TRIM77: variants seen among roughly 807,000 people sequenced by gnomAD.
TRIM77 encodes tripartite motif containing 77.
In TRIM77, 23 loss-of-function variants were observed where a neutral mutation model predicts 31.8. That is an observed-to-expected ratio of 0.72 (90% CI 0.52 to 1.02). TRIM77 has a LOEUF of 1.02. Among genes scored for constraint, TRIM77 ranks in the 50% least tolerant of loss-of-function variants. The probability of loss-of-function intolerance (pLI) is 0.00; values close to 1 mark genes in which losing one functional copy is unlikely to be tolerated. For synonymous variants in TRIM77, 159 were observed against 183.1 expected (o/e 0.87, Z 1.06); for missense variants, 446 against 539.2 (o/e 0.83, Z 1.71).
At chr11:89,715,286 T>C in intron 4 of TRIM77, 106 bp downstream of exon 4, 1 of 1,039,480 alleles carries the variant, frequency 9.6e-7, no homozygotes, top group South Asian at 1.5e-5. Flanking sequence ...CTGTATTTAT[T>C]CCTTTCTTAT....
In TRIM77 at chr11:89,716,951, T is replaced by C. The variant is rs555778002; in HGVS notation, c.860-428T>C. ...ATAAGCTGGCAAATTTTTAGTAGTC[T>C]AGTAAAAATTAAATCAGAGCTTGAC... On this transcript the variant is annotated intron_variant, in intron 5 of 5. Transcript: ENST00000398290. 2.0e-3 allele frequency among the ~76,000 whole-genome samples: 298 copies of C among 152,020 alleles called. 1 individual carries two copies. Among genetic ancestry groups the C allele is most frequent in the Admixed American group, 0.016 (239 of 15,234 alleles).
At chr11:89,714,481 T>C in intron 3 of TRIM77, 59 bp downstream of exon 3, 1 of 1,118,378 alleles carries the variant, frequency 8.9e-7, no homozygotes, top group Non-Finnish European at 1.3e-6. Context: ...TCGTATCTGC[T>C]AGAGTCTATA....
Position 89,715,167 on chromosome 11 carries a change from G to A in TRIM77, c.748G>A (p.Asp250Asn), listed in dbSNP as rs771739047. 103 of 1,551,526 alleles carry A rather than the reference G, an allele frequency of 6.6e-5. No homozygotes were observed. The highest frequency in any genetic ancestry group is 8.1e-5 in the Non-Finnish European group (93 of 1,146,810). Reference sequence around the variant, plus strand: ...CTCTCTCTCTTTATAGGATTTGGGAGACGTAATGAAAAGGTAAGTTTGCCC... The same window carrying A: ...CTCTCTCTCTTTATAGGATTTGGGAAACGTAATGAAAAGGTAAGTTTGCCC... Reference protein sequence around the residue: ...ADVNLPQDLGDVMKRNEFLRL... With the variant: ...ADVNLPQDLGNVMKRNEFLRL... Residue 250 changes from aspartate to asparagine, a missense_variant, in exon 4 of 6, where the codon GAC becomes AAC. By Grantham distance (23) the Asp-to-Asn change is conservative. This residue lies in a region of TRIM77 where 366 missense variants were observed against 447.9 expected (regional missense o/e 0.82). Transcript: ENST00000398290.
At chr11:89,714,059 C>A in intron 2 of TRIM77, 133 bp from the exon 3 acceptor site, 1 of 605,988 alleles carries the variant, frequency 1.7e-6, no homozygotes. Context: ...AAGATTTATA[C>A]TGTATTTGAA....
chr11:89,714,864 T>A (rs1949149267), intron 3 of TRIM77, among the ~76,000 whole-genome samples: 1 of 152,216 alleles, frequency 6.6e-6, no homozygotes, highest in Non-Finnish European at 1.5e-5. Flanking sequence ...CCTCTGTCAA[T>A]CTTGTTGCAG....
At chr11:89,711,208 T>C (rs1949119570) in intron 1 of TRIM77, among the ~76,000 whole-genome samples, 1 of 152,218 alleles carries the variant, frequency 6.6e-6, no homozygotes, top group Admixed American at 6.5e-5. Flanking sequence ...TCTAAGATAA[T>C]GGGTCTTGTT....
chr11:89,717,133 C>G (rs931958252), intron 5 of TRIM77, among the ~76,000 whole-genome samples: 2 of 152,060 alleles, frequency 1.3e-5, no homozygotes, highest in Non-Finnish European at 2.9e-5. Flanking sequence ...GTATGCCGGA[C>G]CCAGTTAGTA....
intron 5 of TRIM77, among the ~76,000 whole-genome samples, chr11:89,716,897 C>T (rs1949165004): frequency 6.6e-6 from 1 of 151,854 alleles, no homozygotes; most frequent in Non-Finnish European, 1.5e-5. Flanking sequence ...AATAAAGGCC[C>T]ATTTTGATGT....
At position 89,714,933 on chromosome 11, in the gene TRIM77, C is replaced by T. The variant is rs373961281; in HGVS notation, c.739-225C>T. Among the ~76,000 whole-genome samples, 27 of 152,296 alleles carry T rather than the reference C, an allele frequency of 1.8e-4. 1 individual carries two copies. The East Asian group carries it at 3.3e-3, about 19-fold the overall frequency. On this transcript the variant is annotated intron_variant, in intron 3 of 5. Coordinates refer to ENST00000398290, the MANE Select transcript of TRIM77 (RefSeq NM_001146162.1). ...TCCCATTTGTTCAACCTCAGTCCATCTGACTATGTTTCATCAAGAGTATAA... is the reference window on the plus strand; with the variant it reads ...TCCCATTTGTTCAACCTCAGTCCATTTGACTATGTTTCATCAAGAGTATAA...
At chr11:89,712,861 T>A (rs961380593) in intron 2 of TRIM77, among the ~76,000 whole-genome samples, 5 of 152,186 alleles carry the variant, frequency 3.3e-5, no homozygotes, top group African/African-American at 1.2e-4. Context: ...ATAGAAATGT[T>A]TTAGCAAGAG....
Position 89,711,451 on chromosome 11 carries a change from A to C in TRIM77, c.453A>C (p.Lys151Asn), listed in dbSNP as rs1476555871. The change falls in exon 2 of 6, where the codon AAA becomes AAC. Residue 151 changes from lysine to asparagine, a missense_variant. Physicochemically the swap from Lys to Asn is moderately conservative, Grantham distance 94 (BLOSUM62 0). Coordinates refer to ENST00000398290, the MANE Select transcript of TRIM77 (RefSeq NM_001146162.1). ...AAATGAAGTCCATCTGGAAAAAAAA[A>C]CAGAAAAATCAAAGAAATCTAAACA... ...LIQMKSIWKKKQKNQRNLNRE... is the reference protein window; with the variant it reads ...LIQMKSIWKKNQKNQRNLNRE... 8 of 1,518,068 alleles carry C rather than the reference A, an allele frequency of 5.3e-6. No homozygotes were observed. Among genetic ancestry groups the C allele is most frequent in the Middle Eastern group, 1.7e-4 (1 of 5,924 alleles). 94.0% of individuals were successfully genotyped at this position (1,518,068 alleles called of 1,614,324 possible). A position where few individuals can be genotyped will look rare whatever the true frequency, so the allele number is the denominator to read the frequency against.
intron 2 of TRIM77, among the ~76,000 whole-genome samples, chr11:89,711,709 GAA>G: frequency 6.6e-6 from 1 of 152,206 alleles, no homozygotes; most frequent in African/African-American, 2.4e-5. Context: ...TGATTTTTCT[GAA>G]TAAAGCAGTA....
In TRIM77 at chr11:89,714,366, G is replaced by C. The variant is rs1359323716; in HGVS notation, c.682G>C (p.Glu228Gln). 2 of 1,551,676 alleles carry C rather than the reference G, an allele frequency of 1.3e-6. No homozygotes were observed. Among genetic ancestry groups the C allele is most frequent in the East Asian group, 2.4e-5 (1 of 40,910 alleles). The change falls in exon 3 of 6, where the codon GAA becomes CAA. Residue 228 changes from glutamate (E) to glutamine (Q), a missense_variant. Around this residue, in one of 3 missense-constraint regions of TRIM77, gnomAD observed 366 missense variants for 447.9 expected, o/e 0.82. Coordinates refer to ENST00000398290, the MANE Select transcript of TRIM77 (RefSeq NM_001146162.1). ...RMAKMGILLREMYEKLKEMSC... is the reference protein window; with the variant it reads ...RMAKMGILLRQMYEKLKEMSC... ...GGCTAAGATGGGTATACTCCTGAGAGAAATGTATGAGAAACTGAAGGAAAT... is the reference window on the plus strand; with the variant it reads ...GGCTAAGATGGGTATACTCCTGAGACAAATGTATGAGAAACTGAAGGAAAT...
At chr11:89,713,537 GA>G (rs1949139225) in intron 2 of TRIM77, among the ~76,000 whole-genome samples, 1 of 150,168 alleles carries the variant, frequency 6.7e-6, no homozygotes, top group African/African-American at 2.4e-5. Flanking sequence ...GGGAAATAAA[GA>G]CACAGTGACA....
At chr11:89,711,635 A>G (rs1949123113) in intron 2 of TRIM77, 130 bp downstream of exon 2, 1 of 607,432 alleles carries the variant, frequency 1.6e-6, no homozygotes, top group African/African-American at 2.0e-5. Context: ...GTGTTTCTCT[A>G]CAATATAACT....
intron 2 of TRIM77, 95 bp from the exon 3 acceptor site, chr11:89,714,097 A>ATACT: frequency 1.3e-6 from 1 of 779,558 alleles, no homozygotes; most frequent in Non-Finnish European, 2.1e-6. Context: ...TATATTTAGT[A>ATACT]GAATAGCACA....
chr11:89,717,556 A>T lies in TRIM77; in HGVS notation c.1037A>T (p.Asp346Val). The T allele has an allele frequency of 3.2e-6, 5 of 1,551,548 alleles. No individual in the cohort carries two copies. Among genetic ancestry groups the T allele is most frequent in the Non-Finnish European group, 4.4e-6 (5 of 1,146,912 alleles). The change falls in exon 6 of 6, where the codon GAT becomes GTT. Residue 346 changes from aspartate (D) to valine (V), a missense_variant. Physicochemically the swap from Asp to Val is radical, Grantham distance 152. Transcript: ENST00000398290. ...TCTGGCAAACATTACTGGGAGGTGG[A>T]TGTGAAAGACTCTTGTAATTGGGTT... is the stretch of plus-strand genomic sequence containing the variant. ...LSSGKHYWEV[D>V]VKDSCNWVIG...
At chr11:89,711,057 T>C (rs1358660822) in intron 1 of TRIM77, among the ~76,000 whole-genome samples, 1 of 152,190 alleles carries the variant, frequency 6.6e-6, no homozygotes, top group Non-Finnish European at 1.5e-5. Context: ...AATGAATCTA[T>C]TATAGAAAAT....
At chr11:89,714,506 T>C (rs1258441470) in intron 3 of TRIM77, 84 bp downstream of exon 3, 7 of 993,018 alleles carry the variant, frequency 7.0e-6, no homozygotes, top group Non-Finnish European at 1.0e-5. Context: ...TTTTGATCTA[T>C]ATTACTTTTC....
Sources: allele counts gnomAD v4.1 joint callset (sites outside exome capture counted in the v4.1 genomes callset), GRCh38; gene constraint gnomAD v4.1.1; regional missense constraint gnomAD v4.1.1; transcripts MANE v1.5; gene names NCBI Gene and HGNC (gene_info 2026-07-23, HGNC 2026-07-21).